Variants in CCDC170 observed in about 807,000 individuals in gnomAD.
CCDC170 encodes the protein coiled-coil domain containing 170, also known as coiled-coil domain-containing protein 170.
In CCDC170, 69 loss-of-function variants were observed where a neutral mutation model predicts 72.6. The observed-to-expected ratio is 0.95, with a 90% confidence interval of 0.78 to 1.16. The LOEUF is 1.16. Ranked by LOEUF, CCDC170 falls within the 50% of genes most tolerant of loss-of-function variation. CCDC170 has a pLI of 0.00. For missense variants in CCDC170, 852 were observed against 832.5 expected (o/e 1.02, Z -0.29); for synonymous variants, 300 against 303.9 (o/e 0.99, Z 0.13).
At chr6:151,574,509 C>T (rs1298442746) in intron 6 of CCDC170, among the ~76,000 whole-genome samples, 1 of 152,158 alleles carries the variant, frequency 6.6e-6, no homozygotes, top group Non-Finnish European at 1.5e-5. Flanking sequence ...TTTTTCAGAG[C>T]TTAGAAAGGT....
chr6:151,551,284 C>T (rs1338323705), intron 5 of CCDC170, among the ~76,000 whole-genome samples: 1 of 152,170 alleles, frequency 6.6e-6, no homozygotes, highest in Admixed American at 6.6e-5. Flanking sequence ...TTGCCTCTAA[C>T]TATGTCAGCA....
intron 7 of CCDC170, among the ~76,000 whole-genome samples, chr6:151,592,227 G>A (rs1156321895): frequency 2.0e-5 from 3 of 152,130 alleles, no homozygotes; most frequent in African/African-American, 7.2e-5. Context: ...AGGCATGGTG[G>A]CACGTGCCTG....
chr6:151,511,644 A>G (rs1458596372), intron 1 of CCDC170, among the ~76,000 whole-genome samples: 1 of 152,156 alleles, frequency 6.6e-6, no homozygotes, highest in African/African-American at 2.4e-5. Flanking sequence ...AGTGCATACT[A>G]TCTGCCAGGC....
At chr6:151,589,515 A>G (rs1204935850) in intron 7 of CCDC170, among the ~76,000 whole-genome samples, 3 of 151,820 alleles carry the variant, frequency 2.0e-5, no homozygotes, top group Admixed American at 6.6e-5. Context: ...TTTTTAATCA[A>G]TTCCTAAGCA....
intron 1 of CCDC170, among the ~76,000 whole-genome samples, chr6:151,529,930 A>G (rs1034675229): frequency 1.3e-5 from 2 of 152,186 alleles, no homozygotes; most frequent in Non-Finnish European, 2.9e-5. Context: ...AGGGCCAGAA[A>G]GCATGAGTGA....
intron 5 of CCDC170, among the ~76,000 whole-genome samples, chr6:151,552,480 A>G (rs1403328796): frequency 1.3e-5 from 2 of 152,032 alleles, no homozygotes; most frequent in Non-Finnish European, 2.9e-5. Flanking sequence ...CATTCCTCCC[A>G]TCTATTAGGC....
At chr6:151,517,105 G>A (rs113405635) in intron 1 of CCDC170, among the ~76,000 whole-genome samples, 12,982 of 152,218 alleles carry the variant, frequency 0.085, 653 homozygotes, top group Middle Eastern at 0.17. Flanking sequence ...GGAGGCCTAG[G>A]TGGATGGATA....
intron 5 of CCDC170, among the ~76,000 whole-genome samples, chr6:151,560,788 T>C (rs1320079896): frequency 1.3e-5 from 2 of 152,174 alleles, no homozygotes; most frequent in Non-Finnish European, 2.9e-5. Context: ...CTTTTGCTCT[T>C]TTCTGTTTTC....
At chr6:151,559,596 T>C (rs1327789635) in intron 5 of CCDC170, among the ~76,000 whole-genome samples, 2 of 152,130 alleles carry the variant, frequency 1.3e-5, no homozygotes, top group Non-Finnish European at 2.9e-5. Flanking sequence ...GCTTTAAGAG[T>C]TTTTTTGGTG....
At chr6:151,601,722 A>G (rs533830907) in intron 9 of CCDC170, among the ~76,000 whole-genome samples, 1 of 152,308 alleles carries the variant, frequency 6.6e-6, no homozygotes, top group South Asian at 2.1e-4. Flanking sequence ...TAAAAATATG[A>G]AGACTGGCAG....
At chr6:151,540,404 T>G (rs1175641071) in intron 3 of CCDC170, among the ~76,000 whole-genome samples, 1 of 122,346 alleles carries the variant, frequency 8.2e-6, no homozygotes, top group Non-Finnish European at 1.6e-5. Flanking sequence ...TTTTTTTTTG[T>G]GACAGAGTGT....
intron 1 of CCDC170, among the ~76,000 whole-genome samples, chr6:151,535,513 C>T (rs1003877992): frequency 3.1e-4 from 47 of 152,188 alleles, no homozygotes; most frequent in African/African-American, 1.1e-3. Flanking sequence ...ACAAAGGAGA[C>T]AGCCTTTTAC....
chr6:151,563,714 C>T (rs1303795132), intron 5 of CCDC170, among the ~76,000 whole-genome samples: 1 of 152,086 alleles, frequency 6.6e-6, no homozygotes, highest in Non-Finnish European at 1.5e-5. Context: ...TTCTCAGATG[C>T]CCCCAATAGT....
chr6:151,517,518 T>A (rs958136581), intron 1 of CCDC170, among the ~76,000 whole-genome samples: 2 of 150,194 alleles, frequency 1.3e-5, no homozygotes, highest in Non-Finnish European at 3.0e-5. Flanking sequence ...CTGCAGCCTC[T>A]GCCTCCTGGG....
chr6:151,558,806 A>G (rs1408012218), intron 5 of CCDC170, among the ~76,000 whole-genome samples: 4 of 152,076 alleles, frequency 2.6e-5, no homozygotes, highest in Non-Finnish European at 4.4e-5. Flanking sequence ...GCCTTGAAGT[A>G]TATTTTGAAG....
rs1182684013 is a variant in CCDC170, at chr6:151,541,865, A to AAT, written c.444-2686_444-2685dup. Among the ~76,000 whole-genome samples the AAT allele has an allele frequency of 3.7e-3, 442 of 120,144 alleles. 5 individuals carry two copies. The highest frequency in any genetic ancestry group is 0.033 in the Admixed American group (314 of 9,562). The allele number at this position is 120,144 out of a possible 152,430, so 78.8% of individuals were successfully genotyped here. On this transcript the variant is annotated intron_variant, in intron 3 of 10. Transcript: ENST00000239374. ...AGTATATATAAAAAATATAAATATA[A>AAT]ATATATATATATATATATATATTTT...
chr6:151,611,745 CT>C (rs199523766), intron 9 of CCDC170, among the ~76,000 whole-genome samples: 2,438 of 152,186 alleles, frequency 0.016, 30 homozygotes, highest in Non-Finnish European at 0.023. Flanking sequence ...GAGTCTCACT[CT>C]TGTCACCCAG....
chr6:151,590,046 CTCCT>C (rs1222661019), intron 7 of CCDC170, among the ~76,000 whole-genome samples: 2 of 152,122 alleles, frequency 1.3e-5, no homozygotes, highest in African/African-American at 2.4e-5. Flanking sequence ...TTCTCCTTAC[CTCCT>C]TCACCTGGCA....
intron 1 of CCDC170, among the ~76,000 whole-genome samples, chr6:151,526,832 C>A (rs9479055): frequency 0.46 from 69,703 of 151,836 alleles, 18,491 homozygotes; most frequent in Non-Finnish European, 0.6. Flanking sequence ...CTCAGGGGAG[C>A]AAGAGTGTTA....
Sources: allele counts gnomAD v4.1 joint callset (sites outside exome capture counted in the v4.1 genomes callset), GRCh38; gene constraint gnomAD v4.1.1; transcripts MANE v1.5; gene names NCBI Gene and HGNC (gene_info 2026-07-23, HGNC 2026-07-21).